FARP1: variants seen among roughly 807,000 people sequenced by gnomAD.
FARP1 encodes FERM, ARH/RhoGEF and pleckstrin domain protein 1, also known as FERM, ARHGEF and pleckstrin domain-containing protein 1.
Under a neutral mutation model 128.8 loss-of-function variants are expected in FARP1, and 52 were observed. The ratio of observed to expected loss-of-function variants is 0.40; its 90% CI spans 0.32 to 0.51. The LOEUF is 0.51. Among genes scored for constraint, FARP1 ranks in the 20% least tolerant of loss-of-function variants. FARP1 has a pLI of 0.45. For synonymous variants in FARP1, 580 were observed against 551.8 expected (o/e 1.05, Z -0.72); for missense variants, 1,333 against 1,367.9 (o/e 0.97, Z 0.40).
chr13:98,416,387 T>G (rs934209985), intron 16 of FARP1, among the ~76,000 whole-genome samples: 1 of 152,130 alleles, frequency 6.6e-6, no homozygotes, highest in Non-Finnish European at 1.5e-5. Context: ...GTGGGGAAAT[T>G]ACAGGGCAGA....
intron 2 of FARP1, among the ~76,000 whole-genome samples, chr13:98,343,390 C>T (rs925724542): frequency 6.6e-5 from 10 of 152,190 alleles, no homozygotes; most frequent in African/African-American, 2.4e-4. Context: ...GGCTCCACAA[C>T]TGTAGCAAAT....
At chr13:98,295,728 GA>G (rs1401820468) in intron 2 of FARP1, among the ~76,000 whole-genome samples, 1 of 152,142 alleles carries the variant, frequency 6.6e-6, no homozygotes, top group Non-Finnish European at 1.5e-5. Flanking sequence ...GGTCAGTTCA[GA>G]TTTGTTAACA....
At position 98,453,329 on chromosome 13, in the gene FARP1, G is replaced by C. The variant is rs904355479; in HGVS notation, c.*5012G>C. On this transcript the variant is annotated 3_prime_UTR_variant, in exon 27 of 27. Transcript: ENST00000319562. Reference sequence around the variant, plus strand: ...AATTCCAAGTCATACAAAAATAAGTGGAGCAAATATCAATGTGTAAGTCTA... The same window carrying C: ...AATTCCAAGTCATACAAAAATAAGTCGAGCAAATATCAATGTGTAAGTCTA... 1.0e-6 allele frequency: 1 copy of C among 976,072 alleles called. No homozygotes were observed. Among genetic ancestry groups the C allele is most frequent in the African/African-American group, 1.6e-5 (1 of 60,676 alleles). The allele number at this position is 976,072 out of a possible 1,614,324, so 60.5% of individuals were successfully genotyped here. A position where few individuals can be genotyped will look rare whatever the true frequency, so the allele number is the denominator to read the frequency against.
At chr13:98,313,350 G>T (rs1207468174) in intron 2 of FARP1, among the ~76,000 whole-genome samples, 1 of 147,880 alleles carries the variant, frequency 6.8e-6, no homozygotes, top group Non-Finnish European at 1.5e-5. Flanking sequence ...CTGCACAAAC[G>T]TGCAGGCCCA....
intron 1 of FARP1, among the ~76,000 whole-genome samples, chr13:98,208,762 T>C (rs1301397157): frequency 6.6e-6 from 1 of 152,116 alleles, no homozygotes; most frequent in Non-Finnish European, 1.5e-5. Flanking sequence ...GCCCTGGTGA[T>C]TTGAGTCGCT....
At chr13:98,401,836 ACT>A (rs1296104608) in intron 13 of FARP1, 2 of 152,086 alleles carry the variant, frequency 1.3e-5, no homozygotes, top group African/African-American at 2.4e-5. Context: ...CATTGAATAG[ACT>A]CTGATTTATT....
chr13:98,333,427 C>A lies in FARP1; in HGVS notation c.172-10335C>A, dbSNP rs193173146. On this transcript the variant is annotated intron_variant, in intron 2 of 26. Coordinates refer to ENST00000319562, the MANE Select transcript of FARP1 (RefSeq NM_005766.4). The stretch of plus-strand genomic sequence containing the variant: ...GGTTTGCAAGAAAGCAGTAGAAATC[C>A]CCCACATGTACACACACACACACAC... Among the ~76,000 whole-genome samples the A allele has an allele frequency of 2.9e-3, 370 of 128,736 alleles. 5 individuals carry two copies. The highest frequency in any genetic ancestry group is 4.4e-3 in the Non-Finnish European group (272 of 61,418). 84.5% of individuals were successfully genotyped at this position (128,736 alleles called of 152,430 possible).
intron 2 of FARP1, among the ~76,000 whole-genome samples, chr13:98,326,666 C>G (rs1020577877): frequency 3.3e-5 from 5 of 152,170 alleles, no homozygotes; most frequent in African/African-American, 1.2e-4. Flanking sequence ...TGGTACGTGC[C>G]CACTAGGATA....
intron 3 of FARP1, 142 bp downstream of exon 3, chr13:98,344,008 A>T: frequency 1.5e-6 from 1 of 658,422 alleles, no homozygotes; most frequent in South Asian, 1.7e-5. Flanking sequence ...TCTGGTGTGT[A>T]TTTGACACCT....
At chr13:98,225,598 T>C (rs1881711595) in intron 2 of FARP1, among the ~76,000 whole-genome samples, 1 of 152,198 alleles carries the variant, frequency 6.6e-6, no homozygotes, top group Non-Finnish European at 1.5e-5. Context: ...TCCCCTGCCT[T>C]GTGTCTCTTT....
At chr13:98,417,519 G>A (rs9556952) in intron 16 of FARP1, among the ~76,000 whole-genome samples, 19,730 of 148,588 alleles carry the variant, frequency 0.13, 2,043 homozygotes, top group East Asian at 0.3. Flanking sequence ...GAAGATAGCC[G>A]GTCTTGGAGA....
chr13:98,268,778 T>TTGTG (rs59132299), intron 2 of FARP1, among the ~76,000 whole-genome samples: 13,320 of 148,144 alleles, frequency 0.09, 665 homozygotes, highest in African/African-American at 0.13. Flanking sequence ...TTTCCCTTCT[T>TTGTG]TGTGTGTGTG....
intron 1 of FARP1, among the ~76,000 whole-genome samples, chr13:98,199,743 A>G (rs763217286): frequency 6.6e-6 from 1 of 152,212 alleles, no homozygotes; most frequent in Non-Finnish European, 1.5e-5. Context: ...GCGCCTGTTT[A>G]CATTGCAGTG....
rs191509490 is a variant in FARP1 at position 98,259,824 on chromosome 13, G to T, written c.171+46411G>T. Among the ~76,000 whole-genome samples, 15 of 150,970 alleles carry T rather than the reference G, an allele frequency of 9.9e-5. 1 individual carries two copies. In the East Asian group the frequency reaches 1.4e-3, roughly 14 times the overall value. ...CAAGATTCAGGTCGGATGAAGGGAA[G>T]GTGGCCTGTAGAATAGTCACGGTGC... On this transcript the variant is annotated intron_variant, in intron 2 of 26. Coordinates refer to ENST00000319562, the MANE Select transcript of FARP1 (RefSeq NM_005766.4).
chr13:98,434,572 C>A (rs1413368548), intron 18 of FARP1: 1 of 152,238 alleles, frequency 6.6e-6, no homozygotes, highest in Non-Finnish European at 1.5e-5. Context: ...TGCTCAGCCG[C>A]TGGGGACTTG....
At chr13:98,421,474 A>C (rs1362348922) in intron 16 of FARP1, among the ~76,000 whole-genome samples, 2 of 152,174 alleles carry the variant, frequency 1.3e-5, no homozygotes, top group Non-Finnish European at 1.5e-5. Flanking sequence ...TAGAATATCT[A>C]AATGATGTCC....
intron 2 of FARP1, among the ~76,000 whole-genome samples, chr13:98,253,824 G>A (rs1413149253): frequency 6.6e-6 from 1 of 152,196 alleles, no homozygotes; most frequent in Admixed American, 6.5e-5. Context: ...TAGGTTTGCT[G>A]TAATGAAGAG....
intron 2 of FARP1, among the ~76,000 whole-genome samples, chr13:98,280,995 T>C (rs754782447): frequency 3.3e-5 from 5 of 152,242 alleles, no homozygotes; most frequent in Non-Finnish European, 7.3e-5. Flanking sequence ...AATTAAAACT[T>C]TTTTGGACAA....
chr13:98,398,294 T>C (rs577281757), intron 13 of FARP1: 18 of 152,350 alleles, frequency 1.2e-4, no homozygotes, highest in African/African-American at 4.1e-4. Context: ...GAGTTGTTCA[T>C]TGAAGTAGTC....
Sources: allele counts gnomAD v4.1 joint callset (sites outside exome capture counted in the v4.1 genomes callset), GRCh38; gene constraint gnomAD v4.1.1; transcripts MANE v1.5; gene names NCBI Gene and HGNC (gene_info 2026-07-23, HGNC 2026-07-21).